IL4R: variants seen among roughly 807,000 people sequenced by gnomAD.
The protein encoded by IL4R is interleukin 4 receptor, also known as interleukin-4 receptor subunit alpha.
A neutral mutation model predicts 41.5 loss-of-function variants in IL4R; 17 were observed. The ratio of observed to expected loss-of-function variants is 0.41; its 90% CI spans 0.28 to 0.61. The LOEUF (loss-of-function observed/expected upper bound fraction) is 0.61, where lower values mean the gene tolerates loss of function less well. Among genes scored for constraint, IL4R ranks in the 20% least tolerant of loss-of-function variants. The pLI is 0.31. For missense variants in IL4R, 974 were observed against 1,043.1 expected (o/e 0.93, Z 0.91); for synonymous variants, 402 against 422.9 (o/e 0.95, Z 0.61).
intron 2 of IL4R, among the ~76,000 whole-genome samples, 155 bp downstream of exon 2, chr16:27,330,353 C>T (rs1157030064): frequency 6.7e-6 from 1 of 149,334 alleles, no homozygotes; most frequent in Admixed American, 6.7e-5. Context: ...CACCACTGCA[C>T]TCCAGCCTGG....
intron 3 of IL4R, among the ~76,000 whole-genome samples, chr16:27,340,490 A>G (rs2085406236): frequency 6.6e-6 from 1 of 152,154 alleles, no homozygotes; most frequent in South Asian, 2.1e-4. Context: ...CAGGAGGCCG[A>G]GGCAGGAGGA....
chr16:27,359,391 A>G (rs1442254490), intron 9 of IL4R, among the ~76,000 whole-genome samples: 1 of 152,148 alleles, frequency 6.6e-6, no homozygotes, highest in Non-Finnish European at 1.5e-5. Flanking sequence ...CTGCCCCCGA[A>G]GCACTAGCAA....
At chr16:27,317,976 G>A (rs992087708) in intron 1 of IL4R, among the ~76,000 whole-genome samples, 20 of 152,096 alleles carry the variant, frequency 1.3e-4, no homozygotes, top group Non-Finnish European at 2.8e-4. Flanking sequence ...CCAGAGCATC[G>A]GACCAAGTCC....
At chr16:27,316,186 G>C (rs2084643976) in intron 1 of IL4R, among the ~76,000 whole-genome samples, 1 of 152,136 alleles carries the variant, frequency 6.6e-6, no homozygotes, top group African/African-American at 2.4e-5. Context: ...GGGCAACATA[G>C]TGAGATCCTG....
chr16:27,325,382 G>T (rs945597293), intron 1 of IL4R, among the ~76,000 whole-genome samples: 1 of 152,078 alleles, frequency 6.6e-6, no homozygotes, highest in African/African-American at 2.4e-5. Context: ...GACCAGCTTG[G>T]CCAACATGGC....
At position 27,362,405 on chromosome 16, in the gene IL4R, C is replaced by T. The variant is rs150787891; in HGVS notation, c.1053C>T (p.Leu351=). The change falls in exon 11 of 11, where the codon CTC becomes CTT. Residue 351 remains leucine (L), a synonymous_variant. Coordinates refer to ENST00000395762, the MANE Select transcript of IL4R (RefSeq NM_000418.4). The part of the protein sequence containing the change: ...WCPVEISKTV[L]WPESISVVRC... ...CAGTGGAGATCAGCAAGACAGTCCT[C>T]TGGCCAGAGAGCATCAGCGTGGTGC... The T allele has an allele frequency of 3.7e-6, 6 of 1,614,022 alleles. No individual in the cohort carries two copies. The African/African-American group carries it at 8.0e-5, about 22-fold the overall frequency.
At chr16:27,331,330 T>C (rs1246603868) in intron 2 of IL4R, among the ~76,000 whole-genome samples, 2 of 152,174 alleles carry the variant, frequency 1.3e-5, no homozygotes, top group East Asian at 3.8e-4. Flanking sequence ...GCTTGAGTGC[T>C]GGATTTAAGA....
At chr16:27,361,960 G>C (rs894138886) in intron 10 of IL4R, among the ~76,000 whole-genome samples, 10 of 152,086 alleles carry the variant, frequency 6.6e-5, no homozygotes, top group African/African-American at 1.9e-4. Flanking sequence ...GGATAATGGT[G>C]TTGCTTTTAA....
chr16:27,363,599 A>T lies in IL4R; in HGVS notation c.2247A>T (p.Gly749=). 1 of 1,613,942 alleles carries T rather than the reference A, an allele frequency of 6.2e-7. No individual in the cohort carries two copies. The highest frequency in any genetic ancestry group is 8.5e-7 in the Non-Finnish European group (1 of 1,179,966). Residue 749 remains glycine (G), a synonymous_variant, in exon 11 of 11, where the codon GGA becomes GGT. Transcript: ENST00000395762. ...MASPCCGCCC[G]DRSSPPTTPL... The stretch of plus-strand genomic sequence containing the variant: ...GTCCTTGCTGTGGCTGCTGCTGTGG[A>T]GACAGGTCCTCGCCCCCTACAACCC...
intron 5 of IL4R, 136 bp from the exon 6 acceptor site, chr16:27,346,331 G>T: frequency 1.5e-6 from 1 of 672,830 alleles, no homozygotes; most frequent in South Asian, 1.8e-5. Context: ...GAATCTGTGT[G>T]GTGCTCCAGA....
intron 2 of IL4R, among the ~76,000 whole-genome samples, chr16:27,334,934 C>G (rs368205034): frequency 2.6e-5 from 4 of 152,218 alleles, no homozygotes; most frequent in Non-Finnish European, 1.5e-5. Flanking sequence ...GTTGTAGATA[C>G]TGGGGACTCG....
At chr16:27,343,571 TG>T (rs1173236991) in intron 4 of IL4R, among the ~76,000 whole-genome samples, 5 of 152,070 alleles carry the variant, frequency 3.3e-5, no homozygotes, top group Non-Finnish European at 5.9e-5. Flanking sequence ...GGATTAATGG[TG>T]CCTGCCACCA....
At chr16:27,342,404 CAT>C in intron 4 of IL4R, 145 bp downstream of exon 4, 1 of 943,912 alleles carries the variant, frequency 1.1e-6, no homozygotes, top group Non-Finnish European at 1.6e-6. Context: ...GGGGAGGTCC[CAT>C]CTCCAGGGAC....
At chr16:27,314,466 G>A (rs2084571186) in intron 1 of IL4R, among the ~76,000 whole-genome samples, 1 of 152,248 alleles carries the variant, frequency 6.6e-6, no homozygotes, top group African/African-American at 2.4e-5. Flanking sequence ...AATCGGGGCG[G>A]TCTCCGCCTC....
intron 1 of IL4R, among the ~76,000 whole-genome samples, chr16:27,323,635 T>C (rs2084874111): frequency 6.6e-6 from 1 of 151,942 alleles, no homozygotes; most frequent in South Asian, 2.1e-4. Context: ...CATGGTTAAG[T>C]GAGTGAGTGA....
intron 1 of IL4R, among the ~76,000 whole-genome samples, chr16:27,315,235 G>A (rs1410580185): frequency 6.6e-6 from 1 of 152,220 alleles, no homozygotes; most frequent in African/African-American, 2.4e-5. Context: ...ACAGGCTCAG[G>A]TGTAGGTTTG....
chr16:27,330,777 A>G (rs1183841718), intron 2 of IL4R, among the ~76,000 whole-genome samples: 1 of 152,070 alleles, frequency 6.6e-6, no homozygotes, highest in Non-Finnish European at 1.5e-5. Context: ...GATTTCAAGT[A>G]TGTTACATAA....
At chr16:27,330,483 A>C (rs2085084141) in intron 2 of IL4R, among the ~76,000 whole-genome samples, 1 of 152,108 alleles carries the variant, frequency 6.6e-6, no homozygotes, top group Non-Finnish European at 1.5e-5. Context: ...GAAATCTGTA[A>C]TACAGTATCA....
intron 1 of IL4R, 41 bp from the exon 2 acceptor site, chr16:27,330,025 C>A (rs1447454976): frequency 6.6e-6 from 1 of 152,014 alleles, no homozygotes; most frequent in African/African-American, 2.4e-5. Flanking sequence ...GGGGAATTGG[C>A]TCTTTTCTTC....
Sources: allele counts gnomAD v4.1 joint callset (sites outside exome capture counted in the v4.1 genomes callset), GRCh38; gene constraint gnomAD v4.1.1; transcripts MANE v1.5; gene names NCBI Gene and HGNC (gene_info 2026-07-23, HGNC 2026-07-21).